CFAP77: variants seen among roughly 807,000 people sequenced by gnomAD.
CFAP77 encodes cilia and flagella associated protein 77, also known as cilia- and flagella-associated protein 77.
A neutral mutation model predicts 31.1 loss-of-function variants in CFAP77; 25 were observed. The ratio of observed to expected loss-of-function variants is 0.80; its 90% CI spans 0.59 to 1.12. The LOEUF is 1.12. Among genes scored for constraint, CFAP77 ranks in the 50% most tolerant of loss-of-function variants. The pLI, the probability that CFAP77 is intolerant of heterozygous loss-of-function variation, is 0.00. For synonymous variants in CFAP77, 151 were observed against 159.9 expected (o/e 0.94, Z 0.42); for missense variants, 377 against 397.3 (o/e 0.95, Z 0.44).
Position 132,457,156 on chromosome 9 carries a change from G to C in CFAP77, c.196-41539G>C, listed in dbSNP as rs926165684. 2.6e-5 allele frequency among the ~76,000 whole-genome samples: 4 copies of C among 152,130 alleles called. No homozygotes were observed. The East Asian group carries it at 7.7e-4, about 29-fold the overall frequency. On this transcript the variant is annotated intron_variant, in intron 1 of 5. Coordinates refer to ENST00000393216, the MANE Select transcript of CFAP77 (RefSeq NM_001282957.2). ...ACCGGTCACCCCCACCCCTGAAGAT[G>C]AGGAAGATGAGGCCAAGGTTTGCGT... is the stretch of plus-strand genomic sequence containing the variant.
In CFAP77 at chr9:132,521,826, G is replaced by A. The variant is rs1303304244; in HGVS notation, c.525-15775G>A. ...CTGTCACCCAGGCTGGAGTATAGTG[G>A]CAAAATCTCAGCTCACTGCAACCTC... On this transcript the variant is annotated intron_variant, in intron 3 of 5. Transcript: ENST00000393216. Among the ~76,000 whole-genome samples the A allele has an allele frequency of 4.4e-4, 65 of 146,914 alleles. 1 individual carries two copies. The highest frequency in any genetic ancestry group is 4.4e-3 in the Admixed American group (64 of 14,688).
chr9:132,509,948 C>T (rs1192306869), intron 3 of CFAP77, among the ~76,000 whole-genome samples: 1 of 152,200 alleles, frequency 6.6e-6, no homozygotes, highest in Non-Finnish European at 1.5e-5. Flanking sequence ...CTCCTTCCTC[C>T]TTCATGGGAG....
intron 1 of CFAP77, among the ~76,000 whole-genome samples, chr9:132,460,225 G>A (rs1305874361): frequency 4.6e-5 from 7 of 152,100 alleles, no homozygotes; most frequent in African/African-American, 9.7e-5. Context: ...GCAGTTCAGC[G>A]GTCAGACTGC....
intron 1 of CFAP77, among the ~76,000 whole-genome samples, chr9:132,450,804 C>G (rs749477121): frequency 6.6e-6 from 1 of 152,158 alleles, no homozygotes; most frequent in Non-Finnish European, 1.5e-5. Flanking sequence ...CGGATTGGAG[C>G]GGGTAAGCCG....
At position 132,565,873 on chromosome 9, in the gene CFAP77, G is replaced by A. The variant is rs1029807638; in HGVS notation, c.733-6515G>A. The stretch of plus-strand genomic sequence containing the variant: ...TTCGCCAACCGGGATAAAGCCTCCC[G>A]CTCGCCCGGCTCCCAGGGCTGCTGG... On this transcript the variant is annotated intron_variant, in intron 5 of 5. Transcript: ENST00000393216. The surrounding 1 kb of genome is among the most constrained non-coding windows in gnomAD (Gnocchi z 4.1). 5.3e-5 allele frequency among the ~76,000 whole-genome samples: 8 copies of A among 152,156 alleles called. No homozygotes were observed. The highest frequency in any genetic ancestry group is 2.1e-4 in the South Asian group (1 of 4,834).
intron 1 of CFAP77, among the ~76,000 whole-genome samples, chr9:132,432,935 T>C (rs1427470473): frequency 2.0e-5 from 3 of 152,088 alleles, no homozygotes; most frequent in Non-Finnish European, 4.4e-5. Context: ...AGGATGGTCT[T>C]GATCTCCTGA....
chr9:132,459,793 T>C (rs1477181980), intron 1 of CFAP77, among the ~76,000 whole-genome samples: 1 of 150,726 alleles, frequency 6.6e-6, no homozygotes, highest in African/African-American at 2.4e-5. Flanking sequence ...TGTGTGTATG[T>C]GAGAGCGATG....
chr9:132,513,875 T>G (rs997987871), intron 3 of CFAP77, among the ~76,000 whole-genome samples: 1 of 152,130 alleles, frequency 6.6e-6, no homozygotes. Flanking sequence ...TTCTCAACTC[T>G]TTCTACCTCC....
intron 1 of CFAP77, among the ~76,000 whole-genome samples, chr9:132,410,973 A>G (rs533028962): frequency 6.6e-4 from 101 of 152,318 alleles, no homozygotes; most frequent in African/African-American, 2.3e-3. Context: ...GTTCGATCAT[A>G]CTAATTTCTT....
At position 132,455,317 on chromosome 9, in the gene CFAP77, GCCAACAT is replaced by G. The variant is rs1411750841; in HGVS notation, c.196-43377_196-43371del. On this transcript the variant is annotated intron_variant, in intron 1 of 5. Transcript: ENST00000393216. This position sits in a 1 kb window ranked among gnomAD's most constrained non-coding sequence, Gnocchi z 4.1. ...AGGTCAGGAGTTCGAGATCAGCCTG[GCCAACAT>G]GGCGAAACCTCATCTCTACTAAAAA... is the stretch of plus-strand genomic sequence containing the variant. 1.3e-5 allele frequency among the ~76,000 whole-genome samples: 2 copies of G among 152,114 alleles called. No individual in the cohort carries two copies. Among genetic ancestry groups the G allele is most frequent in the East Asian group, 3.9e-4 (2 of 5,188 alleles).
chr9:132,410,349 C>T lies in CFAP77; in HGVS notation c.78C>T (p.Ser26=). Residue 26 remains serine, a synonymous_variant, in exon 1 of 6, where the codon AGC becomes AGT. Transcript: ENST00000393216. ...KQQQPVRRTV[S]QVCPPPRRPL... is the part of the protein sequence containing the mutation. ...AGCAGCCTGTGCGCCGCACGGTCAG[C>T]CAGGTCTGCCCGCCCCCGCGGCGGC... The T allele has an allele frequency of 1.3e-6, 2 of 1,597,650 alleles. No individual in the cohort carries two copies. The highest frequency in any genetic ancestry group is 1.7e-6 in the Non-Finnish European group (2 of 1,173,484).
intron 1 of CFAP77, among the ~76,000 whole-genome samples, chr9:132,417,897 C>T (rs1428153394): frequency 6.6e-6 from 1 of 151,510 alleles, no homozygotes; most frequent in Non-Finnish European, 1.5e-5. Context: ...CCCCCTTCTG[C>T]TCTCACTGAA....
At chr9:132,483,141 C>T (rs532599699) in intron 1 of CFAP77, among the ~76,000 whole-genome samples, 61 of 151,892 alleles carry the variant, frequency 4.0e-4, no homozygotes, top group African/African-American at 1.1e-3. Context: ...CGTGGTGGTG[C>T]GTGCCTGTAA....
intron 5 of CFAP77, among the ~76,000 whole-genome samples, chr9:132,544,369 C>G (rs1852699055): frequency 6.6e-6 from 1 of 152,214 alleles, no homozygotes; most frequent in South Asian, 2.1e-4. Context: ...CGGCTCATCT[C>G]TAGCTTCTCT....
chr9:132,521,688 A>T lies in CFAP77; in HGVS notation c.525-15913A>T, dbSNP rs141126678. Among the ~76,000 whole-genome samples, 387 of 149,302 alleles carry T rather than the reference A, an allele frequency of 2.6e-3. 3 individuals are homozygous for T. Among genetic ancestry groups the T allele is most frequent in the African/African-American group, 9.4e-3 (377 of 40,288 alleles). On this transcript the variant is annotated intron_variant, in intron 3 of 5. Coordinates refer to ENST00000393216, the MANE Select transcript of CFAP77 (RefSeq NM_001282957.2). ...GGGTAGGAGAGGGACTGAGCTGGAG[A>T]CCCTCGAGAATCATGCACTCCCAGG...
chr9:132,538,004 C>T (rs758427148), intron 4 of CFAP77, among the ~76,000 whole-genome samples: 27 of 152,256 alleles, frequency 1.8e-4, no homozygotes, highest in Non-Finnish European at 3.1e-4. Flanking sequence ...ACTCCTACCT[C>T]GGGACCCTTC....
intron 1 of CFAP77, among the ~76,000 whole-genome samples, chr9:132,462,414 T>C (rs1851067049): frequency 6.6e-6 from 1 of 152,166 alleles, no homozygotes; most frequent in South Asian, 2.1e-4. Context: ...TTGGTTTCCC[T>C]CCTTTTTAAA....
At chr9:132,458,033 G>A (rs1190630522) in intron 1 of CFAP77, among the ~76,000 whole-genome samples, 6 of 152,098 alleles carry the variant, frequency 3.9e-5, no homozygotes, top group Non-Finnish European at 7.4e-5. Context: ...TCCCTCCCTC[G>A]TCATATTTTA....
At chr9:132,456,494 G>A (rs1290985011) in intron 1 of CFAP77, among the ~76,000 whole-genome samples, 1 of 152,164 alleles carries the variant, frequency 6.6e-6, no homozygotes, top group African/African-American at 2.4e-5. Context: ...TACTAGACAG[G>A]GGCAGTGCCT....
Sources: gnomAD v4.1 joint callset for allele counts (sites outside exome capture counted in the v4.1 genomes callset) on GRCh38, gnomAD v4.1.1 for gene constraint, Gnocchi (gnomAD v3.1) non-coding constraint, MANE v1.5 for transcripts, NCBI Gene and HGNC (gene_info 2026-07-23, HGNC 2026-07-21) for gene names.